The following ZC3H11A variants were observed in gnomAD, a reference collection of about 807,000 sequenced individuals.
The protein encoded by ZC3H11A is zinc finger CCCH domain-containing protein 11A.
Under a neutral mutation model 90.8 loss-of-function variants are expected in ZC3H11A, and 22 were observed. The ratio of observed to expected loss-of-function variants is 0.24; its 90% CI spans 0.17 to 0.35. The LOEUF is 0.35. ZC3H11A is among the 10% of genes least tolerant of loss of function. ZC3H11A has a pLI of 1.00. For synonymous variants in ZC3H11A, 294 were observed against 339.8 expected (o/e 0.87, Z 1.48); for missense variants, 701 against 964.9 (o/e 0.73, Z 3.62).
chr1:203,819,683 C>T (rs944637762), intron 4 of ZC3H11A, among the ~76,000 whole-genome samples: 2 of 150,744 alleles, frequency 1.3e-5, no homozygotes, highest in Non-Finnish European at 3.0e-5. Context: ...TACAGGCATG[C>T]ACTACCATGC....
intron 4 of ZC3H11A, among the ~76,000 whole-genome samples, chr1:203,825,311 T>C (rs967811793): frequency 1.1e-4 from 17 of 152,142 alleles, no homozygotes; most frequent in African/African-American, 2.9e-4. Flanking sequence ...CAAGTGACTT[T>C]ATAGAACATA....
At chr1:203,804,413 A>C (rs905009744) in intron 2 of ZC3H11A, among the ~76,000 whole-genome samples, 46 of 151,330 alleles carry the variant, frequency 3.0e-4, no homozygotes, top group Admixed American at 2.8e-3. Context: ...CGGCCTCCCA[A>C]AGTGCTAGGA....
At chr1:203,813,209 T>C (rs1239880945) in intron 2 of ZC3H11A, among the ~76,000 whole-genome samples, 1 of 151,704 alleles carries the variant, frequency 6.6e-6, no homozygotes. Flanking sequence ...TTGTTTTTTG[T>C]TTTTTGTTTT....
intron 1 of ZC3H11A, chr1:203,797,398 T>G (rs534492959): frequency 2.2e-6 from 2 of 913,040 alleles, no homozygotes; most frequent in African/African-American, 3.4e-5. Context: ...ATTGGTCCAG[T>G]GGGAATTTGA....
intron 1 of ZC3H11A, chr1:203,800,553 AAC>A (rs917544634): frequency 1.6e-6 from 2 of 1,224,110 alleles, no homozygotes; most frequent in African/African-American, 1.5e-5. Flanking sequence ...TATCTTTATA[AAC>A]ACATCTGGGG....
At chr1:203,848,915 T>TA (rs11441457) in intron 14 of ZC3H11A, among the ~76,000 whole-genome samples, 19,203 of 152,172 alleles carry the variant, frequency 0.13, 1,592 homozygotes, top group East Asian at 0.29. Flanking sequence ...TTTTCAGTCT[T>TA]GCTCTGTTGC....
chr1:203,838,092 G>C (rs776383434), intron 11 of ZC3H11A, 28 bp downstream of exon 11: 14 of 1,598,838 alleles, frequency 8.8e-6, no homozygotes, highest in Middle Eastern at 1.7e-4. Context: ...TACTTTGTGT[G>C]TGTATGTAAT....
chr1:203,833,351 T>G (rs1249650613), intron 9 of ZC3H11A, among the ~76,000 whole-genome samples: 6 of 112,222 alleles, frequency 5.3e-5, no homozygotes, highest in East Asian at 2.4e-4. Flanking sequence ...GGCGACAGAG[T>G]GAGACTCTGT....
At chr1:203,817,151 T>G in intron 3 of ZC3H11A, 27 bp downstream of exon 3, 1 of 1,565,790 alleles carries the variant, frequency 6.4e-7, no homozygotes, top group Non-Finnish European at 8.7e-7. Flanking sequence ...TTAAATCAGT[T>G]CTTTCTACAA....
At chr1:203,826,647 G>GTTAT (rs1462958901) in intron 4 of ZC3H11A, among the ~76,000 whole-genome samples, 2 of 151,986 alleles carry the variant, frequency 1.3e-5, no homozygotes, top group South Asian at 2.1e-4. Flanking sequence ...TTTTGTAATG[G>GTTAT]TTATTGTTTC....
chr1:203,811,178 G>A (rs1333763226), intron 2 of ZC3H11A, among the ~76,000 whole-genome samples: 1 of 151,524 alleles, frequency 6.6e-6, no homozygotes, highest in African/African-American at 2.4e-5. Context: ...TGTGGTGGTG[G>A]GCACCTGTAA....
chr1:203,850,708 CT>C (rs1689046818), intron 16 of ZC3H11A, 27 bp downstream of exon 16: 1 of 1,605,164 alleles, frequency 6.2e-7, no homozygotes, highest in African/African-American at 1.3e-5. Flanking sequence ...CTTTGTGGTG[CT>C]TTATTCTGTG....
intron 2 of ZC3H11A, among the ~76,000 whole-genome samples, chr1:203,811,138 T>C (rs1674346576): frequency 7.4e-6 from 1 of 135,992 alleles, no homozygotes; most frequent in Non-Finnish European, 1.5e-5. Flanking sequence ...AGTGAAACTC[T>C]GTCACAAAAA....
At chr1:203,824,431 G>A (rs1029043613) in intron 4 of ZC3H11A, among the ~76,000 whole-genome samples, 1 of 152,144 alleles carries the variant, frequency 6.6e-6, no homozygotes, top group African/African-American at 2.4e-5. Context: ...TACCCCTTCT[G>A]TGTGCAATTC....
chr1:203,803,616 C>T (rs1022006364), intron 2 of ZC3H11A, among the ~76,000 whole-genome samples: 12 of 151,948 alleles, frequency 7.9e-5, no homozygotes, highest in African/African-American at 2.2e-4. Flanking sequence ...TATTTTGTTT[C>T]GTTTTGAAAC....
At position 203,829,768 on chromosome 1, in the gene ZC3H11A, G is replaced by A; in HGVS notation, c.503-12G>A. ...TTTTAATTGTGAATTTGCCTTAAAT[G>A]TTGATATATAGATCAGTTTTCTGAG... On this transcript the variant is annotated splice_polypyrimidine_tract_variant and intron_variant, in intron 6 of 17. Transcript: ENST00000367210. 6.2e-7 allele frequency: 1 copy of A among 1,613,652 alleles called. No individual in the cohort carries two copies. The highest frequency in any genetic ancestry group is 8.5e-7 in the Non-Finnish European group (1 of 1,179,556).
chr1:203,831,569 T>G, intron 8 of ZC3H11A, 92 bp from the exon 9 acceptor site: 1 of 976,090 alleles, frequency 1.0e-6, no homozygotes, highest in Non-Finnish European at 1.6e-6. Context: ...CAGTCTGTAT[T>G]GGACTTAACT....
chr1:203,847,800 TGA>T (rs1344779098), intron 13 of ZC3H11A, 113 bp downstream of exon 13: 2 of 1,431,966 alleles, frequency 1.4e-6, no homozygotes, highest in Admixed American at 4.9e-5. Context: ...CAGATAACGT[TGA>T]AAACACTGAA....
chr1:203,849,942 A>G lies in ZC3H11A; in HGVS notation c.1855A>G (p.Lys619Glu). Residue 619 changes from lysine to glutamate, a missense_variant, in exon 15 of 18, where the codon AAG (lysine) becomes GAG (glutamate). Physicochemically the swap from Lys to Glu is moderately conservative, Grantham distance 56. Coordinates refer to ENST00000367210, the MANE Select transcript of ZC3H11A (RefSeq NM_001376342.1). ...GCGGCTTCCCACAAAGTCATCCCAG[A>G]AGGTGGAGGTAGAAACCTCAGGGAT... Reference protein sequence around the residue: ...TKRLPTKSSQKVEVETSGIGD... With the variant: ...TKRLPTKSSQEVEVETSGIGD... 6.2e-7 allele frequency: 1 copy of G among 1,614,100 alleles called. No individual in the cohort carries two copies. The highest frequency in any genetic ancestry group is 1.1e-5 in the South Asian group (1 of 91,088).
Sources: gnomAD v4.1 joint callset for allele counts (sites outside exome capture counted in the v4.1 genomes callset) on GRCh38, gnomAD v4.1.1 for gene constraint, MANE v1.5 for transcripts, NCBI Gene and HGNC (gene_info 2026-07-23, HGNC 2026-07-21) for gene names.